Variants in BICC1 observed in about 807,000 individuals in gnomAD.
BICC1 encodes the protein BicC family RNA binding protein 1, also known as protein bicaudal C homolog 1.
A neutral mutation model predicts 111.0 loss-of-function variants in BICC1; 43 were observed. That is an observed-to-expected ratio of 0.39 (90% CI 0.30 to 0.50). The LOEUF is 0.50. BICC1 is among the 20% of genes least tolerant of loss of function. The pLI is 0.88. For missense variants in BICC1, 1,091 were observed against 1,203.2 expected (o/e 0.91, Z 1.38); for synonymous variants, 467 against 434.4 (o/e 1.07, Z -0.93).
At chr10:58,565,787 G>GT (rs143492350) in intron 1 of BICC1, among the ~76,000 whole-genome samples, 2,206 of 151,578 alleles carry the variant, frequency 0.015, 51 homozygotes, top group African/African-American at 0.049. Flanking sequence ...AATCTTTTTT[G>GT]TTTTTTTTGA....
intron 2 of BICC1, among the ~76,000 whole-genome samples, chr10:58,667,886 T>C (rs1396314714): frequency 6.6e-6 from 1 of 152,076 alleles, no homozygotes; most frequent in African/African-American, 2.4e-5. Context: ...AAATGTTAAA[T>C]GGGGAGCATG....
intron 2 of BICC1, among the ~76,000 whole-genome samples, chr10:58,642,047 T>C (rs1838139449): frequency 6.6e-6 from 1 of 152,298 alleles, no homozygotes; most frequent in East Asian, 1.9e-4. Flanking sequence ...GTGCTGCAAG[T>C]TTATAGTAAA....
At position 58,789,489 on chromosome 10, in the gene BICC1, A is replaced by G. The variant is rs748931836; in HGVS notation, c.795+33A>G. On this transcript the variant is annotated intron_variant, in intron 7 of 20. Transcript: ENST00000373886. ...ATTCAGATAATTCTGCACATCCTATATGTACAAGTTACATGAGTTTCATTT... is the reference window on the plus strand; with the variant it reads ...ATTCAGATAATTCTGCACATCCTATGTGTACAAGTTACATGAGTTTCATTT... 8.9e-6 allele frequency: 14 copies of G among 1,571,860 alleles called. No homozygotes were observed. In the African/African-American group the frequency reaches 1.2e-4, roughly 14 times the overall value.
chr10:58,755,362 G>A (rs73304872), intron 3 of BICC1, among the ~76,000 whole-genome samples: 5 of 152,268 alleles, frequency 3.3e-5, no homozygotes, highest in Non-Finnish European at 2.9e-5. Context: ...AGTCAGTGGC[G>A]CTGTCAGATT....
At chr10:58,665,822 G>A (rs182512582) in intron 2 of BICC1, among the ~76,000 whole-genome samples, 17 of 152,160 alleles carry the variant, frequency 1.1e-4, no homozygotes, top group Admixed American at 2.6e-4. Context: ...TAATTTACCC[G>A]TCTATTTCTT....
At chr10:58,518,833 C>T (rs1228511070) in intron 1 of BICC1, among the ~76,000 whole-genome samples, 1 of 152,088 alleles carries the variant, frequency 6.6e-6, no homozygotes. Context: ...CGTGAGGATG[C>T]ACTGAGAGGG....
At chr10:58,610,398 G>A (rs1845377987) in intron 1 of BICC1, among the ~76,000 whole-genome samples, 2 of 152,142 alleles carry the variant, frequency 1.3e-5, no homozygotes, top group Non-Finnish European at 2.9e-5. Context: ...AGAAGTGTGT[G>A]TAATCTGCAG....
chr10:58,601,140 T>TATATATATATA (rs1554810885), intron 1 of BICC1, among the ~76,000 whole-genome samples: 19 of 100,660 alleles, frequency 1.9e-4, no homozygotes, highest in South Asian at 1.9e-3. Flanking sequence ...ATTTTAAAAC[T>TATATATATATA]TATATATATA....
intron 2 of BICC1, among the ~76,000 whole-genome samples, chr10:58,631,304 T>C (rs1456754537): frequency 6.6e-6 from 1 of 152,186 alleles, no homozygotes; most frequent in Non-Finnish European, 1.5e-5. Flanking sequence ...CTTGAATAGA[T>C]GTATTAAATA....
chr10:58,723,387 T>TA (rs1451389545), intron 3 of BICC1, among the ~76,000 whole-genome samples: 4 of 152,278 alleles, frequency 2.6e-5, no homozygotes, highest in African/African-American at 9.6e-5. Context: ...GGAAAATGCA[T>TA]GGAAAAAAAT....
chr10:58,818,149 C>T (rs193169370), intron 19 of BICC1, among the ~76,000 whole-genome samples: 1 of 152,244 alleles, frequency 6.6e-6, no homozygotes, highest in African/African-American at 2.4e-5. Context: ...TTGACTCATC[C>T]TGGTCATGCT....
intron 1 of BICC1, among the ~76,000 whole-genome samples, chr10:58,527,824 CT>C (rs1842584632): frequency 6.6e-6 from 1 of 151,908 alleles, no homozygotes; most frequent in Non-Finnish European, 1.5e-5. Context: ...TGCAGAGGAG[CT>C]TGGTGTCAGG....
intron 2 of BICC1, among the ~76,000 whole-genome samples, chr10:58,680,136 C>G (rs1471154192): frequency 6.6e-6 from 1 of 152,180 alleles, no homozygotes; most frequent in Non-Finnish European, 1.5e-5. Context: ...GACAAGGATG[C>G]CCTTCGTCAC....
intron 2 of BICC1, among the ~76,000 whole-genome samples, chr10:58,669,248 C>T (rs184250571): frequency 1.1e-4 from 17 of 151,816 alleles, no homozygotes; most frequent in African/African-American, 3.4e-4. Context: ...CTCATGTAAG[C>T]GCACAAAAAG....
intron 2 of BICC1, among the ~76,000 whole-genome samples, chr10:58,682,961 C>T (rs1839585702): frequency 6.6e-6 from 1 of 152,166 alleles, no homozygotes; most frequent in African/African-American, 2.4e-5. Flanking sequence ...CTTGCCCATG[C>T]CTATGTCCTG....
At chr10:58,575,056 C>G (rs1188715325) in intron 1 of BICC1, among the ~76,000 whole-genome samples, 1 of 151,442 alleles carries the variant, frequency 6.6e-6, no homozygotes, top group Non-Finnish European at 1.5e-5. Flanking sequence ...GATACATGTG[C>G]AGAACGTGCA....
chr10:58,596,005 C>G (rs1844801423), intron 1 of BICC1, among the ~76,000 whole-genome samples: 1 of 152,026 alleles, frequency 6.6e-6, no homozygotes, highest in Non-Finnish European at 1.5e-5. Flanking sequence ...CAATTAGACA[C>G]AATAAAAAAT....
chr10:58,721,934 G>A (rs1382963160), intron 3 of BICC1, among the ~76,000 whole-genome samples: 5 of 152,168 alleles, frequency 3.3e-5, no homozygotes, highest in African/African-American at 4.8e-5. Flanking sequence ...GAAAGTCATG[G>A]TTAATGACTT....
At chr10:58,745,197 G>T (rs751491034) in intron 3 of BICC1, among the ~76,000 whole-genome samples, 1 of 152,026 alleles carries the variant, frequency 6.6e-6, no homozygotes, top group Non-Finnish European at 1.5e-5. Context: ...GTAATTTTCA[G>T]TCTTTCACAT....
Sources: gnomAD v4.1 joint callset for allele counts (sites outside exome capture counted in the v4.1 genomes callset) on GRCh38, gnomAD v4.1.1 for gene constraint, MANE v1.5 for transcripts, NCBI Gene and HGNC (gene_info 2026-07-23, HGNC 2026-07-21) for gene names.